RIMS3: variants seen among roughly 807,000 people sequenced by gnomAD.
The protein encoded by RIMS3 is regulating synaptic membrane exocytosis 3.
Under a neutral mutation model 29.2 loss-of-function variants are expected in RIMS3, and 15 were observed. The ratio of observed to expected loss-of-function variants is 0.51; its 90% CI spans 0.34 to 0.79. The LOEUF (loss-of-function observed/expected upper bound fraction) is 0.79. Ranked by LOEUF, RIMS3 falls within the 30% of genes least tolerant of loss-of-function variation. RIMS3 has a pLI of 0.01. For synonymous variants in RIMS3, 161 were observed against 170.1 expected, an observed-to-expected ratio of 0.95 and a Z score of 0.41; for missense variants, 342 against 421.4, an observed-to-expected ratio of 0.81 and a Z score of 1.65.
chr1:40,628,759 C>T (rs1253574633), intron 7 of RIMS3, 51 bp downstream of exon 7: 1 of 1,613,064 alleles, frequency 6.2e-7, no homozygotes, highest in East Asian at 2.2e-5. Flanking sequence ...CTTTAAATTA[C>T]AACTTCCAGT....
the RIMS3 span, among the ~76,000 whole-genome samples, chr1:40,684,052 G>A: frequency 6.6e-6 from 1 of 152,192 alleles, no homozygotes. Context: ...TTTGGCCAAA[G>A]CTAGCTCTAA....
chr1:40,686,541 C>T, the RIMS3 span, among the ~76,000 whole-genome samples: 1 of 152,106 alleles, frequency 6.6e-6, no homozygotes, highest in African/African-American at 2.4e-5. Flanking sequence ...CCTGTAGTCC[C>T]ACATACTCGG....
At chr1:40,653,546 A>G (rs1217296419) in intron 1 of RIMS3, among the ~76,000 whole-genome samples, 1 of 152,232 alleles carries the variant, frequency 6.6e-6, no homozygotes, top group Non-Finnish European at 1.5e-5. Flanking sequence ...AATGGAAAGC[A>G]GAATTTGGAC....
chr1:40,655,211 A>C (rs1642259174), intron 1 of RIMS3, among the ~76,000 whole-genome samples: 1 of 152,126 alleles, frequency 6.6e-6, no homozygotes, highest in Admixed American at 6.5e-5. Context: ...ACTGTCCCTG[A>C]GCCCCAAGCT....
chr1:40,638,581 C>G (rs1285366357), intron 3 of RIMS3, among the ~76,000 whole-genome samples: 2 of 152,216 alleles, frequency 1.3e-5, no homozygotes, highest in African/African-American at 4.8e-5. Context: ...GTCCTGAGCC[C>G]TCTCTCTACC....
chr1:40,661,641 A>G (rs1642353586), intron 1 of RIMS3, among the ~76,000 whole-genome samples: 1 of 152,212 alleles, frequency 6.6e-6, no homozygotes, highest in Admixed American at 6.5e-5. Context: ...TAAAAATGCC[A>G]ACTGACATCC....
At chr1:40,668,917 G>A (rs1642459583), upstream of RIMS3, among the ~76,000 whole-genome samples, 1 of 152,210 alleles carries the variant, frequency 6.6e-6, no homozygotes, top group Admixed American at 6.5e-5. Context: ...CGAGCACCTG[G>A]CAGAGGCTTC....
chr1:40,672,291 C>T, the RIMS3 span, among the ~76,000 whole-genome samples: 88 of 151,446 alleles, frequency 5.8e-4, 1 homozygote, highest in African/African-American at 2.0e-3. Context: ...CTCCGCCTCC[C>T]GGGTTCACAC....
the RIMS3 span, chr1:40,690,359 T>C: frequency 1.2e-5 from 1 of 84,768 alleles, no homozygotes; most frequent in African/African-American, 6.2e-5. Context: ...AATGTCATTA[T>C]AAGTAACTTT....
the RIMS3 span, among the ~76,000 whole-genome samples, chr1:40,676,723 C>T: frequency 6.6e-6 from 1 of 152,210 alleles, no homozygotes; most frequent in Admixed American, 6.5e-5. Context: ...CTGTTTGGCT[C>T]TGAGCCTGTG....
At chr1:40,664,253 C>T (rs571872447) in intron 1 of RIMS3, among the ~76,000 whole-genome samples, 9 of 152,232 alleles carry the variant, frequency 5.9e-5, no homozygotes, top group South Asian at 4.1e-4. Flanking sequence ...CCACCCACCC[C>T]GCCTCCCAAC....
rs952398198 is a variant in RIMS3 at position 40,636,832 on chromosome 1, G to C, written c.218-775C>G. ...CCTGGCCTCCCCCTCAGCCTTGCAG[G>C]GAACATGGGACACTTTCCCTCTCCC... On this transcript the variant is annotated intron_variant, in intron 3 of 7. Coordinates refer to ENST00000372684, the MANE Select transcript of RIMS3 (RefSeq NM_014747.3). This position sits in a 1 kb window ranked among gnomAD's most constrained non-coding sequence, Gnocchi z 4.2. Among the ~76,000 whole-genome samples, 8 of 152,170 alleles carry C rather than the reference G, an allele frequency of 5.3e-5. No individual in the cohort carries two copies. Among genetic ancestry groups the C allele is most frequent in the Admixed American group, 5.2e-4 (8 of 15,284 alleles).
At chr1:40,684,332 G>C in the RIMS3 span, among the ~76,000 whole-genome samples, 6 of 152,182 alleles carry the variant, frequency 3.9e-5, no homozygotes, top group Non-Finnish European at 7.4e-5. Flanking sequence ...TCTTAGAAAG[G>C]CTCTTTCCAT....
In RIMS3 at chr1:40,626,316, G is replaced by A. The variant is rs193299468; in HGVS notation, c.*201C>T. 1.6e-4 allele frequency: 98 copies of A among 621,630 alleles called. No individual in the cohort carries two copies. The highest frequency in any genetic ancestry group is 6.4e-5 in the Non-Finnish European group (22 of 344,252). 38.5% of individuals were successfully genotyped at this position (621,630 alleles called of 1,614,324 possible). On this transcript the variant is annotated 3_prime_UTR_variant, in exon 8 of 8. Transcript: ENST00000372684. The stretch of plus-strand genomic sequence containing the variant: ...ACCCAGACAAATGAACAGATAGAAC[G>A]TGGTCACGTACACACACACACACAC...
intron 1 of RIMS3, among the ~76,000 whole-genome samples, chr1:40,656,623 A>G (rs1395281691): frequency 4.6e-5 from 7 of 152,202 alleles, no homozygotes; most frequent in Admixed American, 2.6e-4. Context: ...GTCTCCACTA[A>G]ATATACAAAA....
At chr1:40,648,834 A>T (rs111793888) in intron 1 of RIMS3, among the ~76,000 whole-genome samples, 2,577 of 152,292 alleles carry the variant, frequency 0.017, 31 homozygotes, top group Middle Eastern at 0.051. Flanking sequence ...CTGTGCCAGC[A>T]TCTCAGCTCC....
At chr1:40,645,831 T>C (rs907556993) in intron 2 of RIMS3, among the ~76,000 whole-genome samples, 2 of 152,138 alleles carry the variant, frequency 1.3e-5, no homozygotes, top group South Asian at 4.1e-4. Context: ...GGCATCAAGG[T>C]CTCTGCACCA....
Position 40,628,832 on chromosome 1 carries a change from C to T in RIMS3, c.692G>A (p.Gly231Glu). The T allele has an allele frequency of 8.7e-6, 14 of 1,614,164 alleles. No homozygotes were observed. The highest frequency in any genetic ancestry group is 1.2e-5 in the Non-Finnish European group (14 of 1,180,032). ...LYQQALLFDE[G>E]PQGKVLQVIV... ...CACCTGCAGCACCTTGCCCTGGGGTCCCTCGTCAAAGAGCAGAGCCTGCTG... is the reference window on the plus strand; with the variant it reads ...CACCTGCAGCACCTTGCCCTGGGGTTCCTCGTCAAAGAGCAGAGCCTGCTG... The change falls in exon 7 of 8, where the codon GGA becomes GAA. Residue 231 changes from glycine to glutamate, a missense_variant. Physicochemically the swap from Gly to Glu is moderately conservative, Grantham distance 98 (BLOSUM62 -2). Transcript: ENST00000372684.
At chr1:40,655,599 C>G (rs541322969) in intron 1 of RIMS3, among the ~76,000 whole-genome samples, 97 of 152,300 alleles carry the variant, frequency 6.4e-4, no homozygotes, top group Admixed American at 1.4e-3. Flanking sequence ...GTGGAAGGGA[C>G]CTTCAAAATT....
Sources: allele counts gnomAD v4.1 joint callset (sites outside exome capture counted in the v4.1 genomes callset), GRCh38; gene constraint gnomAD v4.1.1; non-coding constraint Gnocchi (gnomAD v3.1); transcripts MANE v1.5; gene names NCBI Gene and HGNC (gene_info 2026-07-23, HGNC 2026-07-21).